PAX5: variants seen among roughly 807,000 people sequenced by gnomAD.
PAX5 encodes paired box 5.
Under a neutral mutation model 43.7 loss-of-function variants are expected in PAX5, and 9 were observed. The ratio of observed to expected loss-of-function variants is 0.21; its 90% confidence interval spans 0.12 to 0.36. The LOEUF (loss-of-function observed/expected upper bound fraction) is 0.36, where lower values mean the gene tolerates loss of function less well. PAX5 is among the 10% of genes least tolerant of loss of function. The pLI, the probability that PAX5 is intolerant of heterozygous loss-of-function variation, is 1.00. For synonymous variants in PAX5, 228 were observed against 214.3 expected, an observed-to-expected ratio of 1.06 and a Z score of -0.56; for missense variants, 383 against 532.7, an observed-to-expected ratio of 0.72 and a Z score of 2.77.
intron 7 of PAX5, among the ~76,000 whole-genome samples, chr9:36,897,660 G>A (rs1372071008): frequency 1.3e-5 from 2 of 152,188 alleles, no homozygotes; most frequent in East Asian, 1.9e-4. Context: ...GACCCAGCAT[G>A]GATCCTGATC....
intron 5 of PAX5, among the ~76,000 whole-genome samples, chr9:36,978,679 G>C (rs1305852183): frequency 6.6e-6 from 1 of 152,094 alleles, no homozygotes; most frequent in Non-Finnish European, 1.5e-5. Context: ...AATGTTTTCA[G>C]GAGAAATCAC....
chr9:36,882,645 T>C lies in PAX5; in HGVS notation c.911-540A>G, dbSNP rs1205463397. Among the ~76,000 whole-genome samples, 2 of 152,232 alleles carry C rather than the reference T, an allele frequency of 1.3e-5. No homozygotes were observed. The highest frequency in any genetic ancestry group is 2.1e-4 in the South Asian group (1 of 4,834). On this transcript the variant is annotated intron_variant, in intron 7 of 9. Coordinates refer to ENST00000358127, the MANE Select transcript of PAX5 (RefSeq NM_016734.3). This position sits in a 1 kb window ranked among gnomAD's most constrained non-coding sequence, Gnocchi z 4.4. ...GGGGGCATATCTGCCTCAAACCTTA[T>C]AGTCCCATATCTGGCCTAGTACTGA...
rs1457359739 is a variant in PAX5, at chr9:37,002,652, G to C, written c.600C>G (p.Asp200Glu). Residue 200 changes from aspartate to glutamate, a missense_variant, in exon 5 of 10, where the codon GAC (aspartate) becomes GAG (glutamate). Around this residue, in one of 5 missense-constraint regions of PAX5, gnomAD observed 291 missense variants for 342.5 expected, o/e 0.85. Transcript: ENST00000358127. ...GGCTGCGCGGGCCTCTCTTACCTTC[G>C]TCTCTCTTGCGCTTGTTGGTGTCGG... Reference protein sequence around the residue: ...PSADTNKRKRDEGIQESPVPN... With the variant: ...PSADTNKRKREEGIQESPVPN... The C allele has an allele frequency of 6.2e-7, 1 of 1,611,440 alleles. No homozygotes were observed. Among genetic ancestry groups the C allele is most frequent in the East Asian group, 2.2e-5 (1 of 44,768 alleles).
At chr9:37,031,284 T>C (rs967366493) in intron 1 of PAX5, among the ~76,000 whole-genome samples, 1 of 152,218 alleles carries the variant, frequency 6.6e-6, no homozygotes, top group Non-Finnish European at 1.5e-5. Context: ...AGGCAGCCCC[T>C]TCTAAAGCCT....
At chr9:36,984,586 G>A (rs1166402948) in intron 5 of PAX5, among the ~76,000 whole-genome samples, 4 of 151,856 alleles carry the variant, frequency 2.6e-5, no homozygotes, top group East Asian at 1.9e-4. Context: ...GATTACAGGT[G>A]CACACAACCA....
At chr9:36,899,087 C>T (rs1195845632) in intron 7 of PAX5, among the ~76,000 whole-genome samples, 3 of 152,182 alleles carry the variant, frequency 2.0e-5, no homozygotes, top group Non-Finnish European at 4.4e-5. Context: ...GGTTCCAGCA[C>T]CCCCACCAGC....
At chr9:36,958,605 G>A (rs1433148050) in intron 6 of PAX5, among the ~76,000 whole-genome samples, 3 of 152,174 alleles carry the variant, frequency 2.0e-5, no homozygotes, top group South Asian at 2.1e-4. Flanking sequence ...GTACAGCAAC[G>A]TCGCTTATAC....
intron 6 of PAX5, among the ~76,000 whole-genome samples, chr9:36,934,929 C>T (rs1831417693): frequency 6.6e-6 from 1 of 152,192 alleles, no homozygotes; most frequent in African/African-American, 2.4e-5. Context: ...GGTACCATGG[C>T]CTGGCTCTTC....
At position 36,882,231 on chromosome 9, in the gene PAX5, T is replaced by TC. The variant is rs888367532; in HGVS notation, c.911-127dup. On this transcript the variant is annotated intron_variant, in intron 7 of 9. Coordinates refer to ENST00000358127, the MANE Select transcript of PAX5 (RefSeq NM_016734.3). The surrounding 1 kb of genome is among the most constrained non-coding windows in gnomAD (Gnocchi z 4.4). ...CGCTGAACGGCAATGTGCCCCCAGC[T>TC]CCCCCCTGTCGCTCACACGCTCTCA... is the stretch of plus-strand genomic sequence containing the variant. 3 of 652,492 alleles carry TC rather than the reference T, an allele frequency of 4.6e-6. No homozygotes were observed. The highest frequency in any genetic ancestry group is 3.1e-5 in the Admixed American group (1 of 32,746). 40.4% of individuals were successfully genotyped at this position (652,492 alleles called of 1,614,324 possible).
intron 6 of PAX5, among the ~76,000 whole-genome samples, chr9:36,960,412 G>A (rs1049618271): frequency 6.6e-6 from 1 of 152,112 alleles, no homozygotes; most frequent in African/African-American, 2.4e-5. Flanking sequence ...GGCAGTGAAA[G>A]GTCAGGCCTG....
At chr9:36,852,974 C>T (rs964891323) in intron 8 of PAX5, among the ~76,000 whole-genome samples, 2 of 152,184 alleles carry the variant, frequency 1.3e-5, no homozygotes, top group East Asian at 3.9e-4. Context: ...TCCTTCTTCA[C>T]CCCTGATGTA....
intron 8 of PAX5, among the ~76,000 whole-genome samples, chr9:36,871,997 A>C (rs1245675015): frequency 2.6e-5 from 4 of 152,224 alleles, no homozygotes; most frequent in African/African-American, 9.6e-5. Flanking sequence ...TGCTCCCAAA[A>C]GGGACACTTT....
intron 6 of PAX5, among the ~76,000 whole-genome samples, chr9:36,965,703 AG>A (rs1412968195): frequency 2.0e-5 from 3 of 152,204 alleles, no homozygotes; most frequent in African/African-American, 7.2e-5. Context: ...GAAAGTGCCG[AG>A]GAAAGTTGTT....
At chr9:36,936,983 C>T (rs1588023921) in intron 6 of PAX5, among the ~76,000 whole-genome samples, 1 of 152,204 alleles carries the variant, frequency 6.6e-6, no homozygotes, top group Admixed American at 6.5e-5. Context: ...AGGGAGTGCC[C>T]TCTGGGTCAC....
intron 8 of PAX5, among the ~76,000 whole-genome samples, chr9:36,854,523 C>G (rs1823467122): frequency 6.6e-6 from 1 of 152,156 alleles, no homozygotes; most frequent in African/African-American, 2.4e-5. Context: ...TCTCAGTTTT[C>G]TCATCTGTAA....
At chr9:37,025,483 C>T (rs1241531385) in intron 1 of PAX5, among the ~76,000 whole-genome samples, 1 of 152,232 alleles carries the variant, frequency 6.6e-6, no homozygotes, top group Non-Finnish European at 1.5e-5. Flanking sequence ...GAGCAACTCC[C>T]TGACCTGAAG....
intron 7 of PAX5, among the ~76,000 whole-genome samples, chr9:36,911,862 G>A (rs937884360): frequency 6.6e-6 from 1 of 152,208 alleles, no homozygotes; most frequent in Non-Finnish European, 1.5e-5. Context: ...TCTCCACCAC[G>A]CAGCCGAAAC....
In PAX5 at chr9:36,981,190, C is replaced by G. The variant is rs559097544; in HGVS notation, c.605-14466G>C. ...CACCCTCCAAAAACAGCAAAGCCCC[C>G]CCCCCCTCAGCCCTGCTTCATTCCC... On this transcript the variant is annotated intron_variant, in intron 5 of 9. Coordinates refer to ENST00000358127, the MANE Select transcript of PAX5 (RefSeq NM_016734.3). Among the ~76,000 whole-genome samples, 15 of 148,676 alleles carry G rather than the reference C, an allele frequency of 1.0e-4. No homozygotes were observed. The South Asian group carries it at 2.0e-3, about 20-fold the overall frequency.
chr9:36,988,166 C>G (rs1441433201), intron 5 of PAX5, among the ~76,000 whole-genome samples: 2 of 152,164 alleles, frequency 1.3e-5, no homozygotes, highest in Admixed American at 6.5e-5. Flanking sequence ...AAGGCCACGG[C>G]TGAGTCAGGA....
Sources: gnomAD v4.1 joint callset for allele counts (sites outside exome capture counted in the v4.1 genomes callset) on GRCh38, gnomAD v4.1.1 for gene constraint, gnomAD v4.1.1 regional missense constraint, Gnocchi (gnomAD v3.1) non-coding constraint, MANE v1.5 for transcripts, NCBI Gene and HGNC (gene_info 2026-07-23, HGNC 2026-07-21) for gene names.